DGKB: variants seen among roughly 807,000 people sequenced by gnomAD.
DGKB encodes diacylglycerol kinase beta.
DGKB carries 67 observed loss-of-function variants against 114.3 expected under a neutral mutation model. The ratio of observed to expected loss-of-function variants is 0.59; its 90% CI spans 0.48 to 0.72. The LOEUF (loss-of-function observed/expected upper bound fraction) is 0.72, where lower values mean the gene tolerates loss of function less well. Ranked by LOEUF, DGKB falls within the 30% of genes least tolerant of loss-of-function variation. DGKB has a pLI of 0.00. For synonymous variants in DGKB, 398 were observed against 323.1 expected (o/e 1.23, Z -2.49); for missense variants, 907 against 975.2 (o/e 0.93, Z 0.93).
At chr7:14,705,595 C>A (rs1181140749) in intron 6 of DGKB, among the ~76,000 whole-genome samples, 1 of 149,834 alleles carries the variant, frequency 6.7e-6, no homozygotes, top group African/African-American at 2.4e-5. Context: ...AAGGGAAGCC[C>A]ATCAGACTAA....
At chr7:14,863,214 TGA>T (rs1277242566) in intron 1 of DGKB, among the ~76,000 whole-genome samples, 10 of 151,796 alleles carry the variant, frequency 6.6e-5, no homozygotes, top group African/African-American at 1.4e-4. Context: ...TGTGTGTGTG[TGA>T]GTTTGTGTGT....
chr7:14,721,953 T>G (rs971064898), intron 5 of DGKB, among the ~76,000 whole-genome samples: 7 of 152,166 alleles, frequency 4.6e-5, no homozygotes, highest in African/African-American at 1.4e-4. Flanking sequence ...TTTTCTTCAC[T>G]CAAGTCTTGC....
intron 6 of DGKB, among the ~76,000 whole-genome samples, chr7:14,705,306 T>C (rs1825996599): frequency 4.0e-5 from 6 of 148,158 alleles, no homozygotes; most frequent in African/African-American, 1.5e-4. Context: ...CTCCAAGAAA[T>C]ATGGGACTAT....
chr7:14,745,969 T>C (rs905198024), intron 4 of DGKB, among the ~76,000 whole-genome samples: 1 of 152,170 alleles, frequency 6.6e-6, no homozygotes, highest in Non-Finnish European at 1.5e-5. Context: ...AAAGTATAGT[T>C]CTCTCTGGCT....
Position 14,685,160 on chromosome 7 carries a change from T to C in DGKB, c.829+85A>G, listed in dbSNP as rs1336666452. On this transcript the variant is annotated intron_variant, in intron 10 of 25. Coordinates refer to ENST00000402815, the MANE Select transcript of DGKB (RefSeq NM_001350709.2). ...GAGACAGTCCAGATCAGATCTTAGGTCTCCATTTACAAATAAGACTATTCC... is the reference window on the plus strand; with the variant it reads ...GAGACAGTCCAGATCAGATCTTAGGCCTCCATTTACAAATAAGACTATTCC... 3.6e-6 allele frequency: 3 copies of C among 835,688 alleles called. No individual in the cohort carries two copies. In the Admixed American group the frequency reaches 6.0e-5, roughly 17 times the overall value. The allele number at this position is 835,688 out of a possible 1,614,324, so 51.8% of individuals were successfully genotyped here.
rs115339943 is a variant in DGKB, at chr7:14,571,514, G to A, written c.1770+2698C>T. Among the ~76,000 whole-genome samples, 266 of 152,254 alleles carry A rather than the reference G, an allele frequency of 1.7e-3. 1 individual carries two copies. Among genetic ancestry groups the A allele is most frequent in the African/African-American group, 6.0e-3 (248 of 41,542 alleles). On this transcript the variant is annotated intron_variant, in intron 20 of 25. Coordinates refer to ENST00000402815, the MANE Select transcript of DGKB (RefSeq NM_001350709.2). ...GGCCAGAGATTTAACAAGAGATCTC[G>A]GAATCAAACTTTCATATGGGCTGTG...
chr7:14,368,810 T>C (rs113975304), intron 21 of DGKB, among the ~76,000 whole-genome samples: 143 of 152,194 alleles, frequency 9.4e-4, no homozygotes, highest in African/African-American at 3.4e-3. Flanking sequence ...AAAACGCTTG[T>C]GAGGGAAAAG....
At chr7:14,914,572 C>G (rs948105222) in intron 1 of DGKB, among the ~76,000 whole-genome samples, 7 of 152,012 alleles carry the variant, frequency 4.6e-5, no homozygotes, top group Non-Finnish European at 7.4e-5. Flanking sequence ...ACCTCAGTTA[C>G]CAAATACAGC....
chr7:14,221,686 A>G (rs1212212472), intron 23 of DGKB, among the ~76,000 whole-genome samples: 1 of 151,530 alleles, frequency 6.6e-6, no homozygotes, highest in Middle Eastern at 3.4e-3. Context: ...GGCCTCATAG[A>G]ATTAGGGAGT....
At chr7:14,453,703 G>T (rs1195072021) in intron 21 of DGKB, among the ~76,000 whole-genome samples, 2 of 152,058 alleles carry the variant, frequency 1.3e-5, no homozygotes, top group Non-Finnish European at 2.9e-5. Context: ...CTTTGTAAAG[G>T]CCCAGATAGT....
intron 13 of DGKB, among the ~76,000 whole-genome samples, chr7:14,636,270 C>T (rs1462823253): frequency 2.6e-5 from 4 of 151,584 alleles, no homozygotes; most frequent in African/African-American, 9.7e-5. Flanking sequence ...CTCTTTTCCC[C>T]CGACCATATA....
chr7:14,212,417 CGTGTTTTGTGATATTTA>C (rs1562634319), intron 23 of DGKB, among the ~76,000 whole-genome samples: 1 of 63,930 alleles, frequency 1.6e-5, no homozygotes, highest in East Asian at 5.0e-4. Context: ...ATTTTACTCT[CGTGTTTTGTGATATTTA>C]CTCTCATGTT....
chr7:14,533,962 C>T (rs1792008166), intron 20 of DGKB, among the ~76,000 whole-genome samples: 1 of 151,960 alleles, frequency 6.6e-6, no homozygotes, highest in African/African-American at 2.4e-5. Flanking sequence ...ACATGAAAGC[C>T]TATGATAGTA....
In DGKB at chr7:14,630,247, A is replaced by G; in HGVS notation, c.1156T>C (p.Ser386Pro). ...TTTTGCTTACGCACCTCAGGAACTG[A>G]AACTCCTGAAGTGGGCAGAGTCTGC... Reference protein sequence around the residue: ...VVLTLPTSGVSVPEERQSTVK... With the variant: ...VVLTLPTSGVPVPEERQSTVK... The change falls in exon 14 of 26, where the codon TCA becomes CCA. Residue 386 changes from serine to proline, a missense_variant. Coordinates refer to ENST00000402815, the MANE Select transcript of DGKB (RefSeq NM_001350709.2). 6.4e-7 allele frequency: 1 copy of G among 1,558,642 alleles called. No homozygotes were observed. The highest frequency in any genetic ancestry group is 8.7e-7 in the Non-Finnish European group (1 of 1,151,272).
chr7:14,259,812 G>A (rs953163063), intron 23 of DGKB, among the ~76,000 whole-genome samples: 3 of 152,078 alleles, frequency 2.0e-5, no homozygotes, highest in Non-Finnish European at 4.4e-5. Flanking sequence ...TAGCTATGGG[G>A]TTCTCTTTTC....
chr7:14,500,951 T>C (rs1223138974), intron 20 of DGKB, among the ~76,000 whole-genome samples: 1 of 151,904 alleles, frequency 6.6e-6, no homozygotes, highest in Non-Finnish European at 1.5e-5. Context: ...AGACATATTC[T>C]AGCTGCATAT....
intron 2 of DGKB, among the ~76,000 whole-genome samples, chr7:14,782,983 C>G (rs1157543689): frequency 6.6e-6 from 1 of 152,082 alleles, no homozygotes; most frequent in Non-Finnish European, 1.5e-5. Context: ...CAGATGTGAG[C>G]CTGTCTGGCT....
At chr7:14,369,509 G>A (rs1348706037) in intron 21 of DGKB, among the ~76,000 whole-genome samples, 2 of 152,094 alleles carry the variant, frequency 1.3e-5, no homozygotes, top group African/African-American at 4.8e-5. Context: ...GTCTTCCACA[G>A]TGGTTGAACT....
Position 14,742,126 on chromosome 7 carries a change from C to T in DGKB, c.169-5932G>A, listed in dbSNP as rs562959373. 3.3e-5 allele frequency among the ~76,000 whole-genome samples: 5 copies of T among 152,226 alleles called. No homozygotes were observed. The South Asian group carries it at 1.0e-3, about 32-fold the overall frequency. The stretch of plus-strand genomic sequence containing the variant: ...CCATTTTTGGAGAAACCTCTGTTTT[C>T]CTCATGGAACCCCAGTAATTAGAGG... On this transcript the variant is annotated intron_variant, in intron 4 of 25. Transcript: ENST00000402815.
Sources: allele counts gnomAD v4.1 joint callset (sites outside exome capture counted in the v4.1 genomes callset), GRCh38; gene constraint gnomAD v4.1.1; transcripts MANE v1.5; gene names NCBI Gene and HGNC (gene_info 2026-07-23, HGNC 2026-07-21).